COL6A2: variants seen among roughly 807,000 people sequenced by gnomAD.
The protein encoded by COL6A2 is collagen alpha-2(VI) chain.
A neutral mutation model predicts 124.9 loss-of-function variants in COL6A2; 90 were observed. That is an observed-to-expected ratio of 0.72 (90% CI 0.61 to 0.86). COL6A2 has a LOEUF of 0.86. COL6A2 is among the 40% of genes least tolerant of loss of function. The pLI is 0.00. For missense variants in COL6A2, 1,607 were observed against 1,502.5 expected, an observed-to-expected ratio of 1.07 and a Z score of -1.15; for synonymous variants, 793 against 618.2, an observed-to-expected ratio of 1.28 and a Z score of -4.19.
intron 4 of COL6A2, chr21:46,113,714 C>T: frequency 4.0e-6 from 2 of 501,780 alleles, no homozygotes; most frequent in East Asian, 3.7e-5. Flanking sequence ...GCGTGAGCTG[C>T]ACCCGGCCTT....
rs990733473 is a variant in COL6A2, at chr21:46,112,044, T to C, written c.181T>C (p.Ser61Pro). ...LDTSESVTMQ[S>P]PTDILLFHMK... ...CACCTCGGAGAGCGTCACCATGCAG[T>C]CCCCCACGGACATCCTGCTCTTCCA... Residue 61 changes from serine to proline, a missense_variant, in exon 3 of 28, where the codon TCC becomes CCC. Ser to Pro is a moderately conservative substitution (Grantham distance 74). Coordinates refer to ENST00000300527, the MANE Select transcript of COL6A2 (RefSeq NM_001849.4). 9 of 1,612,668 alleles carry C rather than the reference T, an allele frequency of 5.6e-6. No homozygotes were observed. Among genetic ancestry groups the C allele is most frequent in the Admixed American group, 3.3e-5 (2 of 59,980 alleles).
Position 46,116,328 on chromosome 21 carries a change from T to G in COL6A2, c.901-49T>G. 2 of 1,607,244 alleles carry G rather than the reference T, an allele frequency of 1.2e-6. No individual in the cohort carries two copies. The highest frequency in any genetic ancestry group is 1.7e-6 in the Non-Finnish European group (2 of 1,175,822). On this transcript the variant is annotated intron_variant, in intron 7 of 27. Coordinates refer to ENST00000300527, the MANE Select transcript of COL6A2 (RefSeq NM_001849.4). The surrounding 1 kb of genome is among the most constrained non-coding windows in gnomAD (Gnocchi z 4.6). ...TGCAGGGCTGGCCCTTCCCTGCCTG[T>G]GTCTCTGCAGAGCTCCTCACTAATG...
chr21:46,109,639 G>T (rs901413450), intron 1 of COL6A2, among the ~76,000 whole-genome samples: 1 of 152,192 alleles, frequency 6.6e-6, no homozygotes, highest in African/African-American at 2.4e-5. Flanking sequence ...CCCACAGTTT[G>T]GAGGGGGCCA....
At chr21:46,129,440 G>C in intron 27 of COL6A2, 1 of 1,605,634 alleles carries the variant, frequency 6.2e-7, no homozygotes, top group Non-Finnish European at 8.5e-7. Flanking sequence ...CCTTTAAGCT[G>C]GTGCACAGGG....
rs530497171 is a variant in COL6A2 at position 46,116,881 on chromosome 21, C to G, written c.999+67C>G. On this transcript the variant is annotated intron_variant, in intron 10 of 27. Transcript: ENST00000300527. The surrounding 1 kb of genome is among the most constrained non-coding windows in gnomAD (Gnocchi z 4.6). Reference sequence around the variant, plus strand: ...AGGCATCCCAGCCTCTGCAGGGCCCCCAGATCCAGCCTGATCTGTCAGCTT... The same window carrying G: ...AGGCATCCCAGCCTCTGCAGGGCCCGCAGATCCAGCCTGATCTGTCAGCTT... 1.5e-4 allele frequency: 223 copies of G among 1,527,610 alleles called. 1 individual carries two copies. In the South Asian group the frequency reaches 1.9e-3, roughly 13 times the overall value. 94.6% of individuals were successfully genotyped at this position (1,527,610 alleles called of 1,614,324 possible). A position where few individuals can be genotyped will look rare whatever the true frequency, so the allele number is the denominator to read the frequency against.
At chr21:46,107,638 G>T (rs1205764235) in intron 1 of COL6A2, among the ~76,000 whole-genome samples, 1 of 152,198 alleles carries the variant, frequency 6.6e-6, no homozygotes, top group African/African-American at 2.4e-5. Flanking sequence ...CAGCCACTAT[G>T]AGACTTCAGA....
chr21:46,129,810 G>A lies in COL6A2; in HGVS notation c.2462-2144G>A, dbSNP rs990573137. On this transcript the variant is annotated intron_variant, in intron 27 of 27. Transcript: ENST00000300527. ...CAAGACCCTTAACTCACTCCCGTCT[G>A]CAGAGTCCTTCTTTGCTGCATCAGG... The A allele has an allele frequency of 2.7e-5, 31 of 1,165,514 alleles. 1 individual carries two copies. The highest frequency in any genetic ancestry group is 1.4e-4 in the East Asian group (3 of 21,436). 72.2% of individuals were successfully genotyped at this position (1,165,514 alleles called of 1,614,324 possible). A position where few individuals can be genotyped will look rare whatever the true frequency, so the allele number is the denominator to read the frequency against.
At position 46,132,312 on chromosome 21, in the gene COL6A2, A is replaced by G. The variant is rs769894173; in HGVS notation, c.2820A>G (p.Ala940=). Residue 940 remains alanine (A), a synonymous_variant, in exon 28 of 28, where the codon GCA becomes GCG. Coordinates refer to ENST00000300527, the MANE Select transcript of COL6A2 (RefSeq NM_001849.4). ...RSPRGGARRH[A]ELSFVFLTDG... Reference sequence around the variant, plus strand: ...CGCGTGGCGGGGCCCGGAGGCACGCAGAGCTGTCCTTCGTGTTCCTCACGG... The same window carrying G: ...CGCGTGGCGGGGCCCGGAGGCACGCGGAGCTGTCCTTCGTGTTCCTCACGG... 3.1e-6 allele frequency: 5 copies of G among 1,607,020 alleles called. No individual in the cohort carries two copies. Among genetic ancestry groups the G allele is most frequent in the Non-Finnish European group, 4.2e-6 (5 of 1,179,526 alleles).
Position 46,116,891 on chromosome 21 carries a change from C to A in COL6A2, c.999+77C>A. ...GCCTCTGCAGGGCCCCCAGATCCAG[C>A]CTGATCTGTCAGCTTACACATGTGT... On this transcript the variant is annotated intron_variant, in intron 10 of 27. Coordinates refer to ENST00000300527, the MANE Select transcript of COL6A2 (RefSeq NM_001849.4). This position sits in a 1 kb window ranked among gnomAD's most constrained non-coding sequence, Gnocchi z 4.6. 1 of 1,427,432 alleles carries A rather than the reference C, an allele frequency of 7.0e-7. No homozygotes were observed. Among genetic ancestry groups the A allele is most frequent in the Non-Finnish European group, 9.9e-7 (1 of 1,014,312 alleles). 88.4% of individuals were successfully genotyped at this position (1,427,432 alleles called of 1,614,324 possible). A position where few individuals can be genotyped will look rare whatever the true frequency, so the allele number is the denominator to read the frequency against.
At chr21:46,110,400 AG>A (rs753410317) in intron 1 of COL6A2, among the ~76,000 whole-genome samples, 1 of 152,138 alleles carries the variant, frequency 6.6e-6, no homozygotes, top group Non-Finnish European at 1.5e-5. Context: ...ATTGGGAAAA[AG>A]TTTATCTTTT....
Position 46,116,944 on chromosome 21 carries a change from C to CAT in COL6A2, c.999+131_999+132insTA, listed in dbSNP as rs1471235651. On this transcript the variant is annotated intron_variant, in intron 10 of 27. Transcript: ENST00000300527. The surrounding 1 kb of genome is among the most constrained non-coding windows in gnomAD (Gnocchi z 4.6). ...ACACGCATACACACACACACACACA[C>CAT]ACACACACACACGAACTTCAGCTCC... 1.3e-5 allele frequency: 11 copies of CAT among 819,208 alleles called. No individual in the cohort carries two copies. Among genetic ancestry groups the CAT allele is most frequent in the Non-Finnish European group, 2.1e-5 (11 of 522,664 alleles). The allele number at this position is 819,208 out of a possible 1,614,324, so 50.7% of individuals were successfully genotyped here.
intron 27 of COL6A2, among the ~76,000 whole-genome samples, chr21:46,131,586 C>T (rs980923406): frequency 2.0e-5 from 3 of 152,316 alleles, no homozygotes; most frequent in Middle Eastern, 3.4e-3. Context: ...CCACACTACA[C>T]AGACAGTGGC....
At position 46,119,791 on chromosome 21, in the gene COL6A2, C is replaced by G. The variant is rs761330909; in HGVS notation, c.1273C>G (p.Arg425Gly). The change falls in exon 15 of 28, where the codon CGC becomes GGC. Residue 425 changes from arginine to glycine, a missense_variant. This residue lies in a region of COL6A2 where 1,223 missense variants were observed against 1,052.2 expected (regional missense o/e 1.16). Coordinates refer to ENST00000300527, the MANE Select transcript of COL6A2 (RefSeq NM_001849.4). ...CCCACACGCCTGTTCTCTGCAGGGG[C>G]GCAGGGGAGACCCCGGCACCAAGGG... ...GPRGPKGEPG[R>G]RGDPGTKGSP... is the part of the protein sequence containing the mutation. 6.4e-7 allele frequency: 1 copy of G among 1,560,470 alleles called. No homozygotes were observed. The highest frequency in any genetic ancestry group is 1.2e-5 in the South Asian group (1 of 84,880).
intron 5 of COL6A2, among the ~76,000 whole-genome samples, chr21:46,114,348 C>G (rs1322686792): frequency 6.6e-6 from 1 of 151,614 alleles, no homozygotes; most frequent in African/African-American, 2.4e-5. Flanking sequence ...TCGCTTGAAC[C>G]TGGGAAGCGG....
chr21:46,098,437 G>A (rs1395693909), intron 1 of COL6A2, among the ~76,000 whole-genome samples: 1 of 121,690 alleles, frequency 8.2e-6, no homozygotes, highest in African/African-American at 3.1e-5. Flanking sequence ...CCTCTGGGGC[G>A]GAGCCGGCCT....
Position 46,129,473 on chromosome 21 carries a change from C to T in COL6A2, c.2462-2481C>T, listed in dbSNP as rs770483524. On this transcript the variant is annotated intron_variant, in intron 27 of 27. Coordinates refer to ENST00000300527, the MANE Select transcript of COL6A2 (RefSeq NM_001849.4). ...GGGACATCGTGGGGGACCCCGAGAC[C>T]GCGCTGGCCCTCTGCTAAAGCCCGG... is the stretch of plus-strand genomic sequence containing the variant. 1.9e-5 allele frequency: 30 copies of T among 1,589,006 alleles called. No individual in the cohort carries two copies. The highest frequency in any genetic ancestry group is 1.8e-4 in the East Asian group (8 of 44,462).
rs2078469156 is a variant in COL6A2 at position 46,116,288 on chromosome 21, G to A, written c.901-89G>A. 5.4e-6 allele frequency: 8 copies of A among 1,472,844 alleles called. No homozygotes were observed. The highest frequency in any genetic ancestry group is 7.5e-6 in the Non-Finnish European group (8 of 1,063,382). 91.2% of individuals were successfully genotyped at this position (1,472,844 alleles called of 1,614,324 possible). On this transcript the variant is annotated intron_variant, in intron 7 of 27. Transcript: ENST00000300527. The surrounding 1 kb of genome is among the most constrained non-coding windows in gnomAD (Gnocchi z 4.6). ...ACACTAGATGCCAGCGGCCCACCGA[G>A]CACTCCCCTCAGCCTGCAGGGCTGG...
intron 5 of COL6A2, among the ~76,000 whole-genome samples, chr21:46,115,581 C>T (rs1449587502): frequency 1.3e-5 from 2 of 152,202 alleles, no homozygotes; most frequent in African/African-American, 2.4e-5. Context: ...CTACTGGGTG[C>T]AGAAGGGACC....
chr21:46,107,504 ATC>A (rs1201901569), intron 1 of COL6A2, among the ~76,000 whole-genome samples: 1 of 152,202 alleles, frequency 6.6e-6, no homozygotes, highest in African/African-American at 2.4e-5. Context: ...TCTGTAAGGA[ATC>A]TCTGTTAACA....
Sources: gnomAD v4.1 joint callset for allele counts (sites outside exome capture counted in the v4.1 genomes callset) on GRCh38, gnomAD v4.1.1 for gene constraint, gnomAD v4.1.1 regional missense constraint, Gnocchi (gnomAD v3.1) non-coding constraint, MANE v1.5 for transcripts, NCBI Gene and HGNC (gene_info 2026-07-23, HGNC 2026-07-21) for gene names.